The following SLC25A21 variants were observed in gnomAD, a reference collection of about 807,000 sequenced individuals.
SLC25A21 encodes solute carrier family 25 member 21, also known as mitochondrial 2-oxodicarboxylate carrier.
Under a neutral mutation model 43.8 loss-of-function variants are expected in SLC25A21, and 47 were observed. The ratio of observed to expected loss-of-function variants is 1.07; its 90% CI spans 0.85 to 1.37. SLC25A21 has a LOEUF of 1.37. SLC25A21 is among the 40% of genes most tolerant of loss of function. The pLI is 0.00. For synonymous variants in SLC25A21, 131 were observed against 121.3 expected (o/e 1.08, Z -0.52); for missense variants, 352 against 350.2 (o/e 1.00, Z -0.04).
At chr14:36,919,074 A>C (rs994174762) in intron 1 of SLC25A21, among the ~76,000 whole-genome samples, 10 of 151,624 alleles carry the variant, frequency 6.6e-5, no homozygotes, top group African/African-American at 1.2e-4. Flanking sequence ...ACATTCATAT[A>C]AAATAAATGA....
At chr14:36,980,462 T>C (rs1373406540) in intron 1 of SLC25A21, among the ~76,000 whole-genome samples, 1 of 152,228 alleles carries the variant, frequency 6.6e-6, no homozygotes, top group Non-Finnish European at 1.5e-5. Context: ...CTTTTTTCTC[T>C]AAACTTCTCT....
intron 1 of SLC25A21, among the ~76,000 whole-genome samples, chr14:37,052,265 G>C (rs1427612142): frequency 6.6e-6 from 1 of 152,172 alleles, no homozygotes; most frequent in Admixed American, 6.5e-5. Flanking sequence ...AACTTGAAAA[G>C]AGACAGTTAT....
At chr14:37,042,681 A>C (rs1961500370) in intron 1 of SLC25A21, among the ~76,000 whole-genome samples, 1 of 152,250 alleles carries the variant, frequency 6.6e-6, no homozygotes, top group Non-Finnish European at 1.5e-5. Context: ...TGAACTTCTA[A>C]AAATCAATAT....
At chr14:37,064,552 T>G (rs1566854651) in intron 1 of SLC25A21, among the ~76,000 whole-genome samples, 1 of 152,068 alleles carries the variant, frequency 6.6e-6, no homozygotes, top group Non-Finnish European at 1.5e-5. Flanking sequence ...CTAGCCTGGA[T>G]CCCCAAACAA....
intron 3 of SLC25A21, among the ~76,000 whole-genome samples, chr14:36,758,745 C>A (rs965583138): frequency 6.6e-6 from 1 of 152,024 alleles, no homozygotes; most frequent in African/African-American, 2.4e-5. Flanking sequence ...CTGATAGGGA[C>A]CTGAAAGCCT....
intron 1 of SLC25A21, among the ~76,000 whole-genome samples, chr14:36,937,840 G>GT (rs1198437514): frequency 6.6e-6 from 1 of 151,986 alleles, no homozygotes; most frequent in Non-Finnish European, 1.5e-5. Flanking sequence ...AAAGGAAAGA[G>GT]TTTTTTTGTG....
intron 7 of SLC25A21, among the ~76,000 whole-genome samples, chr14:36,704,250 T>C (rs1883401171): frequency 1.3e-5 from 2 of 152,240 alleles, no homozygotes; most frequent in Admixed American, 6.5e-5. Context: ...GTTATGGGTC[T>C]GAGCATGGCA....
chr14:36,846,320 A>T (rs1889540275), intron 2 of SLC25A21, among the ~76,000 whole-genome samples: 1 of 152,186 alleles, frequency 6.6e-6, no homozygotes, highest in South Asian at 2.1e-4. Context: ...AAGAATCTAC[A>T]GTCTATGAAA....
At chr14:36,820,940 A>G (rs908698699) in intron 2 of SLC25A21, among the ~76,000 whole-genome samples, 5 of 152,236 alleles carry the variant, frequency 3.3e-5, no homozygotes, top group Middle Eastern at 3.2e-3. Context: ...GTTTGCAATT[A>G]CAGAACACAT....
intron 1 of SLC25A21, among the ~76,000 whole-genome samples, chr14:37,052,857 C>T (rs1308943077): frequency 6.6e-6 from 1 of 152,072 alleles, no homozygotes; most frequent in Admixed American, 6.5e-5. Context: ...AGACTGATTT[C>T]GAACTCCTGG....
chr14:36,805,309 G>T (rs372681781), intron 3 of SLC25A21, among the ~76,000 whole-genome samples: 1 of 152,256 alleles, frequency 6.6e-6, no homozygotes, highest in South Asian at 2.1e-4. Flanking sequence ...TGGGGGAGTC[G>T]GAGTGTGAGT....
At chr14:36,984,130 A>G (rs1319136864) in intron 1 of SLC25A21, among the ~76,000 whole-genome samples, 1 of 152,190 alleles carries the variant, frequency 6.6e-6, no homozygotes, top group African/African-American at 2.4e-5. Flanking sequence ...CCCTGAATCT[A>G]AAGTAAAATA....
chr14:37,048,758 G>A (rs1354215392), intron 1 of SLC25A21, among the ~76,000 whole-genome samples: 1 of 152,150 alleles, frequency 6.6e-6, no homozygotes, highest in Non-Finnish European at 1.5e-5. Flanking sequence ...GTTCTTGAGA[G>A]AATCAAGGGA....
At chr14:36,697,938 G>A (rs1242318096) in intron 7 of SLC25A21, among the ~76,000 whole-genome samples, 2 of 152,060 alleles carry the variant, frequency 1.3e-5, no homozygotes, top group East Asian at 3.9e-4. Context: ...TGTTATATGT[G>A]AATTTGATCC....
rs555839196 is a variant in SLC25A21, at chr14:37,134,278, G to C, written c.70+38003C>G. Among the ~76,000 whole-genome samples, 261 of 152,264 alleles carry C rather than the reference G, an allele frequency of 1.7e-3. 1 individual carries two copies. The highest frequency in any genetic ancestry group is 6.0e-3 in the African/African-American group (249 of 41,540). ...GAAATTAGGAACATTTATTCCCTAT[G>C]ATGAGTCCTTTTATATCAACTTAAA... is the stretch of plus-strand genomic sequence containing the variant. On this transcript the variant is annotated intron_variant, in intron 1 of 9. Transcript: ENST00000331299.
chr14:36,990,779 G>A (rs993412499), intron 1 of SLC25A21, among the ~76,000 whole-genome samples: 2 of 152,002 alleles, frequency 1.3e-5, no homozygotes, highest in African/African-American at 4.8e-5. Flanking sequence ...TACTTGGTAG[G>A]CTGAGGTGGG....
chr14:36,867,229 C>T (rs1890238251), intron 2 of SLC25A21, among the ~76,000 whole-genome samples: 1 of 152,186 alleles, frequency 6.6e-6, no homozygotes, highest in Non-Finnish European at 1.5e-5. Context: ...CTTTCGCCCA[C>T]CATCCTGTCA....
intron 1 of SLC25A21, among the ~76,000 whole-genome samples, chr14:37,162,058 T>C (rs1016567215): frequency 7.0e-6 from 1 of 143,026 alleles, no homozygotes; most frequent in Non-Finnish European, 1.5e-5. Context: ...GAGATTGGAG[T>C]AATGTGTCCA....
intron 4 of SLC25A21, among the ~76,000 whole-genome samples, chr14:36,731,132 C>T (rs1955738): frequency 0.27 from 41,126 of 151,810 alleles, 6,106 homozygotes; most frequent in African/African-American, 0.39. Context: ...GCTACCACGC[C>T]CGGCTAATTT....
Sources: gnomAD v4.1 joint callset for allele counts (sites outside exome capture counted in the v4.1 genomes callset) on GRCh38, gnomAD v4.1.1 for gene constraint, MANE v1.5 for transcripts, NCBI Gene and HGNC (gene_info 2026-07-23, HGNC 2026-07-21) for gene names.